The following SVOPL variants were observed in gnomAD, a reference collection of about 807,000 sequenced individuals.
SVOPL encodes putative transporter SVOPL.
Under a neutral mutation model 61.0 loss-of-function variants are expected in SVOPL, and 60 were observed. The ratio of observed to expected loss-of-function variants is 0.98; its 90% confidence interval spans 0.80 to 1.22. The LOEUF is 1.22. Among genes scored for constraint, SVOPL ranks in the 50% most tolerant of loss-of-function variants. SVOPL has a pLI of 0.00. For missense variants in SVOPL, 662 were observed against 643.9 expected, an observed-to-expected ratio of 1.03 and a Z score of -0.30; for synonymous variants, 279 against 250.0, an observed-to-expected ratio of 1.12 and a Z score of -1.09.
At chr7:138,696,348 A>G (rs928297805) in intron 1 of SVOPL, among the ~76,000 whole-genome samples, 7 of 151,972 alleles carry the variant, frequency 4.6e-5, no homozygotes, top group African/African-American at 1.7e-4. Context: ...CTCTGGCTTC[A>G]GTCTCCCAAA....
chr7:138,673,030 G>A (rs1802469321), intron 3 of SVOPL, among the ~76,000 whole-genome samples: 1 of 152,080 alleles, frequency 6.6e-6, no homozygotes, highest in Non-Finnish European at 1.5e-5. Flanking sequence ...TTTGTGTCTG[G>A]TGGAAGGGAA....
intron 7 of SVOPL, among the ~76,000 whole-genome samples, chr7:138,653,755 G>A (rs2117042495): frequency 6.6e-6 from 1 of 152,140 alleles, no homozygotes; most frequent in Admixed American, 6.6e-5. Flanking sequence ...CCAACGTGGT[G>A]AAACCATGTC....
Position 138,697,272 on chromosome 7 carries a change from T to C in SVOPL, c.-35+3906A>G, listed in dbSNP as rs546257770. Among the ~76,000 whole-genome samples the C allele has an allele frequency of 2.6e-5, 4 of 152,202 alleles. No individual in the cohort carries two copies. The South Asian group carries it at 8.3e-4, about 32-fold the overall frequency. Reference sequence around the variant, plus strand: ...ATTTACAATGGCAAATTTGAAGTTATGTGTATTTTACCATAGTTTTTAAAA... The same window carrying C: ...ATTTACAATGGCAAATTTGAAGTTACGTGTATTTTACCATAGTTTTTAAAA... On this transcript the variant is annotated intron_variant, in intron 1 of 15. Coordinates refer to ENST00000674285, the MANE Select transcript of SVOPL (RefSeq NM_001139456.2).
intron 12 of SVOPL, 93 bp from the exon 13 acceptor site, chr7:138,626,143 A>G: frequency 1.6e-6 from 2 of 1,225,142 alleles, no homozygotes; most frequent in Non-Finnish European, 2.3e-6. Flanking sequence ...ATGCTGAGAT[A>G]CAATCACAGA....
At chr7:138,660,785 G>A (rs1027511456) in intron 5 of SVOPL, 12 of 981,544 alleles carry the variant, frequency 1.2e-5, no homozygotes, top group Admixed American at 6.2e-5. Flanking sequence ...ATACCAATAG[G>A]GTTTAATAAT....
At chr7:138,639,366 C>T (rs1163587452) in intron 9 of SVOPL, among the ~76,000 whole-genome samples, 1 of 152,020 alleles carries the variant, frequency 6.6e-6, no homozygotes, top group Non-Finnish European at 1.5e-5. Context: ...GTGGCTCATG[C>T]CTGTAATCCC....
chr7:138,650,914 G>A (rs78075732), intron 7 of SVOPL, among the ~76,000 whole-genome samples: 1,734 of 150,024 alleles, frequency 0.012, 22 homozygotes, highest in South Asian at 0.055. Context: ...AGGCTTCAGC[G>A]GGAAGGGTCA....
At chr7:138,649,616 C>G (rs1032042658) in intron 7 of SVOPL, among the ~76,000 whole-genome samples, 6 of 151,784 alleles carry the variant, frequency 4.0e-5, no homozygotes, top group African/African-American at 1.5e-4. Context: ...TATTTCATCA[C>G]TAAAGAACTC....
rs537537354 is a variant in SVOPL at position 138,656,483 on chromosome 7, T to C, written c.499A>G (p.Thr167Ala). The change falls in exon 7 of 16, where the codon ACG becomes GCG. Residue 167 changes from threonine (T) to alanine (A), a missense_variant. Physicochemically the swap from Thr to Ala is moderately conservative, Grantham distance 58. Transcript: ENST00000674285. Reference protein sequence around the residue: ...GLIIKTEFLPTKYRGYMLPLS... With the variant: ...GLIIKTEFLPAKYRGYMLPLS... ...GGTAACATATAGCCTCGGTATTTCG[T>C]GGGCAAAAATTCAGTCTTTATGATT... The C allele has an allele frequency of 2.3e-5, 37 of 1,614,052 alleles. No homozygotes were observed. Among genetic ancestry groups the C allele is most frequent in the East Asian group, 1.1e-4 (5 of 44,876 alleles).
intron 9 of SVOPL, among the ~76,000 whole-genome samples, chr7:138,633,131 T>C (rs547159367): frequency 4.6e-5 from 7 of 152,218 alleles, no homozygotes; most frequent in Non-Finnish European, 1.0e-4. Flanking sequence ...GACGCTGTTA[T>C]AGTAGCTTTC....
Position 138,689,378 on chromosome 7 carries a change from T to G in SVOPL, c.-34-10299A>C, listed in dbSNP as rs1213800768. The G allele has an allele frequency of 3.2e-6, 5 of 1,562,764 alleles. No individual in the cohort carries two copies. The East Asian group carries it at 1.1e-4, about 35-fold the overall frequency. ...TGCGCCGCCGGATCGACAGAGCTTA[T>G]GGTCGGATTTACCCATGCATGAGCT... On this transcript the variant is annotated intron_variant, in intron 1 of 15. Coordinates refer to ENST00000674285, the MANE Select transcript of SVOPL (RefSeq NM_001139456.2).
intron 14 of SVOPL, among the ~76,000 whole-genome samples, chr7:138,608,345 G>C (rs1798844925): frequency 6.6e-6 from 1 of 152,184 alleles, no homozygotes; most frequent in African/African-American, 2.4e-5. Context: ...GTAATAAAAA[G>C]AACATGTCAG....
In SVOPL at chr7:138,622,138, G is replaced by GTATC. The variant is rs1288648165; in HGVS notation, c.1264-1007_1264-1004dup. Reference sequence around the variant, plus strand: ...TCTATCTATGTATCTATCTATCTATGTATCTATCTATGTATCTATCTGTCT... The same window carrying GTATC: ...TCTATCTATGTATCTATCTATCTATGTATCTATCTATCTATGTATCTATCTGTCT... On this transcript the variant is annotated intron_variant, in intron 13 of 15. Transcript: ENST00000674285. Among the ~76,000 whole-genome samples, 12 of 23,464 alleles carry GTATC rather than the reference G, an allele frequency of 5.1e-4. 1 individual carries two copies. The highest frequency in any genetic ancestry group is 7.3e-4 in the African/African-American group (5 of 6,880). 15.4% of individuals were successfully genotyped at this position (23,464 alleles called of 152,430 possible). A position where few individuals can be genotyped will look rare whatever the true frequency, so the allele number is the denominator to read the frequency against.
chr7:138,623,373 G>A (rs567452092), intron 13 of SVOPL, among the ~76,000 whole-genome samples: 14 of 152,248 alleles, frequency 9.2e-5, no homozygotes, highest in Non-Finnish European at 2.1e-4. Context: ...GGCCGAGGCG[G>A]GCGGATCATG....
chr7:138,625,587 T>C (rs1799855459), intron 13 of SVOPL, among the ~76,000 whole-genome samples: 1 of 152,134 alleles, frequency 6.6e-6, no homozygotes. Flanking sequence ...AAATAACAGA[T>C]GGAAGGAAAG....
intron 1 of SVOPL, among the ~76,000 whole-genome samples, chr7:138,692,091 A>C (rs1033081705): frequency 4.6e-5 from 7 of 152,030 alleles, no homozygotes; most frequent in African/African-American, 1.7e-4. Context: ...CGGGTGGATC[A>C]CTTGCATCTG....
intron 10 of SVOPL, among the ~76,000 whole-genome samples, chr7:138,629,712 A>T (rs1306548584): frequency 6.6e-6 from 1 of 152,196 alleles, no homozygotes; most frequent in Non-Finnish European, 1.5e-5. Context: ...AGTCTGTGCC[A>T]CTGGACTCGA....
chr7:138,595,088 TTA>T (rs1197198234), intron 15 of SVOPL, among the ~76,000 whole-genome samples: 1 of 152,146 alleles, frequency 6.6e-6, no homozygotes, highest in Admixed American at 6.5e-5. Context: ...TTTTAGATTT[TTA>T]GTTTACCAGA....
intron 13 of SVOPL, among the ~76,000 whole-genome samples, chr7:138,622,086 C>G (rs372328205): frequency 0.014 from 584 of 40,712 alleles, 30 homozygotes; most frequent in African/African-American, 0.033. Context: ...ATCTATCTAT[C>G]TATGTATCTA....
Sources: gnomAD v4.1 joint callset for allele counts (sites outside exome capture counted in the v4.1 genomes callset) on GRCh38, gnomAD v4.1.1 for gene constraint, MANE v1.5 for transcripts, NCBI Gene and HGNC (gene_info 2026-07-23, HGNC 2026-07-21) for gene names.